MASTL: variants seen among roughly 807,000 people sequenced by gnomAD.
MASTL encodes microtubule associated serine/threonine kinase like.
MASTL carries 54 observed loss-of-function variants against 82.5 expected under a neutral mutation model. The ratio of observed to expected loss-of-function variants is 0.65; its 90% confidence interval spans 0.53 to 0.82. MASTL has a LOEUF of 0.82. Ranked by LOEUF, MASTL falls within the 40% of genes least tolerant of loss-of-function variation. The pLI, the probability that MASTL is intolerant of heterozygous loss-of-function variation, is 0.00. For missense variants in MASTL, 950 were observed against 1,047.8 expected, an observed-to-expected ratio of 0.91 and a Z score of 1.29; for synonymous variants, 323 against 368.9, an observed-to-expected ratio of 0.88 and a Z score of 1.43.
At chr10:27,165,560 A>G (rs1188841714) in intron 6 of MASTL, 21 bp downstream of exon 6, 1 of 1,613,268 alleles carries the variant, frequency 6.2e-7, no homozygotes, top group Non-Finnish European at 8.5e-7. Flanking sequence ...AAGAAAAGGT[A>G]GGCCAGGCGC....
In MASTL at chr10:27,181,017, T is replaced by G; in HGVS notation, c.2331T>G (p.Pro777=). 6.2e-7 allele frequency: 1 copy of G among 1,613,492 alleles called. No individual in the cohort carries two copies. Among genetic ancestry groups the G allele is most frequent in the Non-Finnish European group, 8.5e-7 (1 of 1,179,384 alleles). ...TTGAATTTCTAACAGGAATTCCCCC[T>G]TTCAATGATGAAACACCACAACAAG... ...CLFEFLTGIP[P]FNDETPQQVF... is the part of the protein sequence containing the mutation. Residue 777 remains proline, a synonymous_variant, in exon 10 of 12, where the codon CCT becomes CCG. Coordinates refer to ENST00000375940, the MANE Select transcript of MASTL (RefSeq NM_001172303.3).
At chr10:27,166,064 G>C (rs2057732467) in intron 6 of MASTL, among the ~76,000 whole-genome samples, 1 of 151,814 alleles carries the variant, frequency 6.6e-6, no homozygotes, top group Non-Finnish European at 1.5e-5. Context: ...AAAATTAGCT[G>C]GTCGTGGTGG....
At chr10:27,185,021 T>C (rs1317753768) in intron 11 of MASTL, among the ~76,000 whole-genome samples, 2 of 152,094 alleles carry the variant, frequency 1.3e-5, no homozygotes, top group South Asian at 2.1e-4. Flanking sequence ...CAATATGTTG[T>C]AGAGATGCAA....
intron 4 of MASTL, among the ~76,000 whole-genome samples, chr10:27,161,850 A>C (rs1263140165): frequency 6.6e-6 from 1 of 152,230 alleles, no homozygotes; most frequent in Admixed American, 6.5e-5. Context: ...AATAACTATA[A>C]CATGATGAAG....
Position 27,170,823 on chromosome 10 carries a change from G to A in MASTL, c.1864G>A (p.Gly622Ser). The change falls in exon 8 of 12, where the codon GGT (glycine) becomes AGT (serine). Residue 622 changes from glycine to serine, a missense_variant. Physicochemically the swap from Gly to Ser is moderately conservative, Grantham distance 56 (BLOSUM62 0). Transcript: ENST00000375940. ...PDCQEKTSPK[G>S]VENPAVQESN... ...TTGCCAAGAAAAGACCTCACCAAAA[G>A]GTGTCGAGAACCCTGCTGTACAAGA... The A allele has an allele frequency of 6.2e-7, 1 of 1,614,126 alleles. No individual in the cohort carries two copies. The highest frequency in any genetic ancestry group is 8.5e-7 in the Non-Finnish European group (1 of 1,180,012).
At chr10:27,184,101 G>A (rs1164707814) in intron 11 of MASTL, among the ~76,000 whole-genome samples, 1 of 152,200 alleles carries the variant, frequency 6.6e-6, no homozygotes, top group Non-Finnish European at 1.5e-5. Flanking sequence ...ATACCCTAGG[G>A]ATGATCTAGA....
intron 1 of MASTL, among the ~76,000 whole-genome samples, chr10:27,158,031 CT>C (rs1389111871): frequency 1.3e-5 from 2 of 151,958 alleles, no homozygotes; most frequent in African/African-American, 4.8e-5. Flanking sequence ...TTTTTTCCTT[CT>C]TGAAAGAGAT....
At chr10:27,178,340 G>A (rs935375292) in intron 9 of MASTL, among the ~76,000 whole-genome samples, 1 of 148,702 alleles carries the variant, frequency 6.7e-6, no homozygotes, top group African/African-American at 2.5e-5. Flanking sequence ...AGGTTGCAGT[G>A]AGCTGAGATT....
Position 27,167,244 on chromosome 10 carries a change from C to T in MASTL, c.954C>T (p.His318=), listed in dbSNP as rs1187708949. ...TFISSVESEC[H]SSPKWEKDCQ... is the part of the protein sequence containing the mutation. ...TATCCAGTGTGGAATCAGAATGCCACAGCAGTCCCAAATGGGAAAAAGATT... is the reference window on the plus strand; with the variant it reads ...TATCCAGTGTGGAATCAGAATGCCATAGCAGTCCCAAATGGGAAAAAGATT... Residue 318 remains histidine (H), a synonymous_variant, in exon 7 of 12, where the codon CAC becomes CAT. Transcript: ENST00000375940. 4 of 1,613,974 alleles carry T rather than the reference C, an allele frequency of 2.5e-6. No individual in the cohort carries two copies. Among genetic ancestry groups the T allele is most frequent in the East Asian group, 2.2e-5 (1 of 44,886 alleles).
rs781555892 is a variant in MASTL at position 27,170,577 on chromosome 10, T to C, written c.1618T>C (p.Cys540Arg). Residue 540 changes from cysteine to arginine, a missense_variant, in exon 8 of 12, where the codon TGT (cysteine) becomes CGT (arginine). Physicochemically the swap from Cys to Arg is radical, Grantham distance 180. Transcript: ENST00000375940. ...KNLMCELDED[C>R]EKNSKRDYLS... ...CCTTATGTGTGAACTCGATGAAGAC[T>C]GTGAAAAGAATAGTAAGAGGGACTA... 8.7e-6 allele frequency: 14 copies of C among 1,612,786 alleles called. No individual in the cohort carries two copies. Among genetic ancestry groups the C allele is most frequent in the Non-Finnish European group, 1.2e-5 (14 of 1,179,508 alleles).
At position 27,186,081 on chromosome 10, in the gene MASTL, C is replaced by T. The variant is rs10764685; in HGVS notation, c.2483-298C>T. Among the ~76,000 whole-genome samples the T allele has an allele frequency of 0.6, 91,858 of 152,002 alleles. 28,037 individuals carry two copies. Among genetic ancestry groups the T allele is most frequent in the Non-Finnish European group, 0.65 (44,100 of 67,964 alleles). On this transcript the variant is annotated intron_variant, in intron 11 of 11. Transcript: ENST00000375940. ...TTCAGCCTGGGCAACGGAGCGAGAC[C>T]TCGTCTCAAAAAAAAAGCTGTGAGA...
Position 27,186,608 on chromosome 10 carries a change from T to C in MASTL, c.*72T>C. On this transcript the variant is annotated 3_prime_UTR_variant, in exon 12 of 12. Transcript: ENST00000375940. ...TGCATAATTATATACTCCTTAATACTAGATTGATCTAAGGGGGAAAGATCA... is the reference window on the plus strand; with the variant it reads ...TGCATAATTATATACTCCTTAATACCAGATTGATCTAAGGGGGAAAGATCA... 3.2e-6 allele frequency: 4 copies of C among 1,263,878 alleles called. No individual in the cohort carries two copies. The highest frequency in any genetic ancestry group is 1.8e-4 in the Middle Eastern group (1 of 5,420). 78.3% of individuals were successfully genotyped at this position (1,263,878 alleles called of 1,614,324 possible).
chr10:27,155,345 G>A (rs562460587), upstream of MASTL: 318 of 1,398,588 alleles, frequency 2.3e-4, 1 homozygote, highest in Middle Eastern at 2.8e-3. Context: ...GGCGTGGGCG[G>A]AGCCTCACTT....
At chr10:27,169,803 T>C in intron 7 of MASTL, 141 bp from the exon 8 acceptor site, 2 of 725,404 alleles carry the variant, frequency 2.8e-6, no homozygotes, top group East Asian at 5.4e-5. Flanking sequence ...AATTCTCTGT[T>C]GTTTATTTTT....
At chr10:27,178,290 G>A (rs761098887) in intron 9 of MASTL, among the ~76,000 whole-genome samples, 12 of 151,938 alleles carry the variant, frequency 7.9e-5, no homozygotes, top group Non-Finnish European at 1.6e-4. Context: ...TAGCTACTCA[G>A]GAGGCTGAGG....
At chr10:27,184,797 G>A (rs553779902) in intron 11 of MASTL, among the ~76,000 whole-genome samples, 2 of 152,132 alleles carry the variant, frequency 1.3e-5, no homozygotes, top group African/African-American at 4.8e-5. Flanking sequence ...CTGACCTCAA[G>A]TAATCCGCCC....
intron 5 of MASTL, 38 bp downstream of exon 5, chr10:27,165,208 T>A (rs757160601): frequency 1.5e-5 from 21 of 1,442,696 alleles, no homozygotes; most frequent in Non-Finnish European, 2.0e-5. Flanking sequence ...GACATACCCC[T>A]TCATGATCAC....
intron 9 of MASTL, among the ~76,000 whole-genome samples, chr10:27,173,567 A>ATTTT (rs1293928581): frequency 6.6e-6 from 1 of 151,210 alleles, no homozygotes; most frequent in Non-Finnish European, 1.5e-5. Flanking sequence ...CTCTTTTTTT[A>ATTTT]TTTTTTTATT....
At chr10:27,165,930 A>G (rs1421984474) in intron 6 of MASTL, among the ~76,000 whole-genome samples, 8 of 151,846 alleles carry the variant, frequency 5.3e-5, no homozygotes, top group Admixed American at 5.3e-4. Flanking sequence ...CAAAATTCAA[A>G]ACATTTTGAG....
Sources: allele counts gnomAD v4.1 joint callset (sites outside exome capture counted in the v4.1 genomes callset), GRCh38; gene constraint gnomAD v4.1.1; transcripts MANE v1.5; gene names NCBI Gene and HGNC (gene_info 2026-07-23, HGNC 2026-07-21).